The following ZNF230 variants were observed in gnomAD, a reference collection of about 807,000 sequenced individuals.
ZNF230 encodes zinc finger protein 230.
ZNF230 carries 12 observed loss-of-function variants against 10.0 expected under a neutral mutation model. The ratio of observed to expected loss-of-function variants is 1.20; its 90% CI spans 0.77 to 1.95. The LOEUF (loss-of-function observed/expected upper bound fraction) is 1.95, where lower values mean the gene tolerates loss of function less well. ZNF230 is among the 30% of genes most tolerant of loss of function. The pLI is 0.00. For synonymous variants in ZNF230, 174 were observed against 193.6 expected, an observed-to-expected ratio of 0.90 and a Z score of 0.84; for missense variants, 532 against 565.8, an observed-to-expected ratio of 0.94 and a Z score of 0.61.
Position 44,011,061 on chromosome 19 carries a change from G to C in ZNF230, c.1022G>C (p.Cys341Ser). The change falls in exon 5 of 5, where the codon TGT becomes TCT. Residue 341 changes from cysteine (C) to serine (S), a missense_variant. Cys to Ser is a moderately radical substitution (Grantham distance 112). Transcript: ENST00000429154. The stretch of plus-strand genomic sequence containing the variant: ...CAGAAACCGTACAATTGTAAAGAAT[G>C]TGGGAAGAGCTTCAGATGGTCCTCA... ...TGQKPYNCKE[C>S]GKSFRWSSYL... 1 of 1,614,224 alleles carries C rather than the reference G, an allele frequency of 6.2e-7. No homozygotes were observed. The highest frequency in any genetic ancestry group is 8.5e-7 in the Non-Finnish European group (1 of 1,180,030).
Position 44,010,266 on chromosome 19 carries a change from T to C in ZNF230, c.230-3T>C, listed in dbSNP as rs1413301915. The C allele has an allele frequency of 3.8e-6, 6 of 1,597,044 alleles. No homozygotes were observed. Among genetic ancestry groups the C allele is most frequent in the Non-Finnish European group, 5.1e-6 (6 of 1,170,664 alleles). On this transcript the variant is annotated splice_polypyrimidine_tract_variant and splice_region_variant and intron_variant, in intron 4 of 4. Transcript: ENST00000429154. ...CACATCTCTTCATTCTGTGTCCTTA[T>C]AGGCGGCAAGACTATTGCGGAAGCA...
chr19:44,004,325 TTG>T (rs1976099574), intron 1 of ZNF230: 1 of 152,270 alleles, frequency 6.6e-6, no homozygotes, highest in Non-Finnish European at 1.5e-5. Context: ...TTGTCTTTCT[TTG>T]TGTCTACTTC....
In ZNF230 at chr19:44,013,631, CAT is replaced by C. The variant is rs1344402801; in HGVS notation, c.*2169_*2170del. ...CAGACATACAGTAAAAGGAGAAAAA[CAT>C]AATGTGAGCTTTGTGAAATCTGACT... On this transcript the variant is annotated 3_prime_UTR_variant, in exon 5 of 5. Transcript: ENST00000429154. The C allele has an allele frequency of 6.6e-6, 1 of 152,130 alleles. No homozygotes were observed. 9.4% of individuals were successfully genotyped at this position (152,130 alleles called of 1,614,324 possible).
At chr19:44,009,618 T>G (rs1272446702) in intron 4 of ZNF230, among the ~76,000 whole-genome samples, 1 of 152,180 alleles carries the variant, frequency 6.6e-6, no homozygotes, top group African/African-American at 2.4e-5. Context: ...AATAACAGAC[T>G]TCACAGATTA....
Position 44,007,056 on chromosome 19 carries a change from G to A in ZNF230, c.-23G>A. The A allele has an allele frequency of 6.3e-7, 1 of 1,599,802 alleles. No homozygotes were observed. The highest frequency in any genetic ancestry group is 8.6e-7 in the Non-Finnish European group (1 of 1,167,690). On this transcript the variant is annotated 5_prime_UTR_variant, in exon 2 of 5. Transcript: ENST00000429154. ...GTGCTCCATTACTCAAGACACTGAA[G>A]ACTCCAAAAAGTAGTAGGAAAAATG...
Position 44,010,341 on chromosome 19 carries a change from G to A in ZNF230, c.302G>A (p.Ser101Asn), listed in dbSNP as rs201061536. 12 of 1,614,212 alleles carry A rather than the reference G, an allele frequency of 7.4e-6. No homozygotes were observed. Among genetic ancestry groups the A allele is most frequent in the Non-Finnish European group, 9.3e-6 (11 of 1,180,028 alleles). Residue 101 changes from serine (S) to asparagine (N), a missense_variant, in exon 5 of 5, where the codon AGT becomes AAT. Physicochemically the swap from Ser to Asn is conservative, Grantham distance 46 (BLOSUM62 1). Transcript: ENST00000429154. Reference protein sequence around the residue: ...PCQQIWEQTASDLTQSQDSII... With the variant: ...PCQQIWEQTANDLTQSQDSII... ...CAGCAAATCTGGGAACAAACTGCAA[G>A]TGACTTAACCCAGTCTCAAGACTCC...
Position 44,011,354 on chromosome 19 carries a change from C to A in ZNF230, c.1315C>A (p.Gln439Lys), listed in dbSNP as rs1214281146. 2.5e-6 allele frequency: 4 copies of A among 1,613,884 alleles called. No homozygotes were observed. The highest frequency in any genetic ancestry group is 3.4e-6 in the Non-Finnish European group (4 of 1,179,922). ...LVHRSFCKDQ[Q>K]GDHNGENSSK... is the part of the protein sequence containing the mutation. ...ACACCGGTCTTTCTGTAAAGACCAA[C>A]AAGGAGACCACAATGGAGAAAACTC... Residue 439 changes from glutamine to lysine, a missense_variant, in exon 5 of 5, where the codon CAA (glutamine) becomes AAA (lysine). Transcript: ENST00000429154.
Position 44,010,766 on chromosome 19 carries a change from T to C in ZNF230, c.727T>C (p.Cys243Arg), listed in dbSNP as rs1301728087. 2 of 1,614,202 alleles carry C rather than the reference T, an allele frequency of 1.2e-6. No individual in the cohort carries two copies. The highest frequency in any genetic ancestry group is 1.1e-5 in the South Asian group (1 of 91,088). The change falls in exon 5 of 5, where the codon TGC becomes CGC. Residue 243 changes from cysteine to arginine, a missense_variant. Physicochemically the swap from Cys to Arg is radical, Grantham distance 180 (BLOSUM62 -3). Transcript: ENST00000429154. Reference sequence around the variant, plus strand: ...ATGTAGAGCGATACTTCAAGTTCACTGCAAATTACACACAGGAGAGAAACC... The same window carrying C: ...ATGTAGAGCGATACTTCAAGTTCACCGCAAATTACACACAGGAGAGAAACC... ...FRCRAILQVHCKLHTGEKPYI... is the reference protein window; with the variant it reads ...FRCRAILQVHRKLHTGEKPYI...
Position 44,010,894 on chromosome 19 carries a change from T to C in ZNF230, c.855T>C (p.Cys285=). The change falls in exon 5 of 5, where the codon TGT becomes TGC. Residue 285 remains cysteine, a synonymous_variant. Transcript: ENST00000429154. The stretch of plus-strand genomic sequence containing the variant: ...AGAAGCCGTTCAAATGTGAAATATG[T>C]GGTAAGAGCTTCTGCCTTAGGTCAA... ...TGEKPFKCEI[C]GKSFCLRSSL... is the part of the protein sequence containing the mutation. 1.3e-5 allele frequency: 21 copies of C among 1,614,184 alleles called. No individual in the cohort carries two copies. Among genetic ancestry groups the C allele is most frequent in the Non-Finnish European group, 1.8e-5 (21 of 1,180,026 alleles).
In ZNF230 at chr19:44,013,339, T is replaced by TG. The variant is rs774029151; in HGVS notation, c.*1879dup. ...TAATTTCATGAAATGTATCCATGATTGGGGTAGGAGTGACATTTACATGCT... is the reference window on the plus strand; with the variant it reads ...TAATTTCATGAAATGTATCCATGATTGGGGGTAGGAGTGACATTTACATGCT... On this transcript the variant is annotated 3_prime_UTR_variant, in exon 5 of 5. Transcript: ENST00000429154. 11 of 152,180 alleles carry TG rather than the reference T, an allele frequency of 7.2e-5. No individual in the cohort carries two copies. The highest frequency in any genetic ancestry group is 1.2e-4 in the African/African-American group (5 of 41,438). 9.4% of individuals were successfully genotyped at this position (152,180 alleles called of 1,614,324 possible).
chr19:44,010,320 A>T lies in ZNF230; in HGVS notation c.281A>T (p.Gln94Leu). The T allele has an allele frequency of 6.2e-7, 1 of 1,614,080 alleles. No homozygotes were observed. Among genetic ancestry groups the T allele is most frequent in the Non-Finnish European group, 8.5e-7 (1 of 1,179,942 alleles). Residue 94 changes from glutamine (Q) to leucine (L), a missense_variant, in exon 5 of 5, where the codon CAA (glutamine) becomes CTA (leucine). Physicochemically the swap from Gln to Leu is moderately radical, Grantham distance 113. Transcript: ENST00000429154. ...AGPHEDCPCQ[Q>L]IWEQTASDLT... ...CCACATGAAGACTGCCCTTGCCAGCAAATCTGGGAACAAACTGCAAGTGAC... is the reference window on the plus strand; with the variant it reads ...CCACATGAAGACTGCCCTTGCCAGCTAATCTGGGAACAAACTGCAAGTGAC...
intron 1 of ZNF230, among the ~76,000 whole-genome samples, chr19:44,006,206 G>C (rs916192324): frequency 3.9e-5 from 6 of 152,128 alleles, no homozygotes; most frequent in Non-Finnish European, 8.8e-5. Flanking sequence ...CACATGATGT[G>C]GTTTGTCCCT....
Position 44,011,598 on chromosome 19 carries a change from G to A in ZNF230, c.*134G>A, listed in dbSNP as rs894577717. 2.1e-6 allele frequency: 2 copies of A among 965,370 alleles called. No homozygotes were observed. Among genetic ancestry groups the A allele is most frequent in the Non-Finnish European group, 3.0e-6 (2 of 672,584 alleles). 59.8% of individuals were successfully genotyped at this position (965,370 alleles called of 1,614,324 possible). A position where few individuals can be genotyped will look rare whatever the true frequency, so the allele number is the denominator to read the frequency against. On this transcript the variant is annotated 3_prime_UTR_variant, in exon 5 of 5. Transcript: ENST00000429154. ...GTTTTGGGAAAATTCAAAATCCATTGTTCTAGCGATTTGAAAAGAAACAAT... is the reference window on the plus strand; with the variant it reads ...GTTTTGGGAAAATTCAAAATCCATTATTCTAGCGATTTGAAAAGAAACAAT...
At position 44,012,075 on chromosome 19, in the gene ZNF230, T is replaced by TAAAAA; in HGVS notation, c.*611_*612insAAAAA. The TAAAAA allele has an allele frequency of 5.0e-6, 1 of 198,584 alleles. No homozygotes were observed. The highest frequency in any genetic ancestry group is 1.0e-5 in the Non-Finnish European group (1 of 97,238). 12.3% of individuals were successfully genotyped at this position (198,584 alleles called of 1,614,324 possible). A position where few individuals can be genotyped will look rare whatever the true frequency, so the allele number is the denominator to read the frequency against. On this transcript the variant is annotated 3_prime_UTR_variant, in exon 5 of 5. Transcript: ENST00000429154. ...TATCTGATCCACATACTGATTTCCT[T>TAAAAA]TGCTTTGGATATACTCAATAGTGGG... is the stretch of plus-strand genomic sequence containing the variant.
chr19:44,011,100 A>C lies in ZNF230; in HGVS notation c.1061A>C (p.His354Pro), dbSNP rs779745699. 1.9e-6 allele frequency: 3 copies of C among 1,614,246 alleles called. No homozygotes were observed. The South Asian group carries it at 3.3e-5, about 18-fold the overall frequency. ...AGATGGTCCTCATATCTTTTGATCC[A>C]TCAGCGAATCCACAGTGGAGAAAAA... ...SFRWSSYLLI[H>P]QRIHSGEKPY... The change falls in exon 5 of 5, where the codon CAT (histidine) becomes CCT (proline). Residue 354 changes from histidine to proline, a missense_variant. Physicochemically the swap from His to Pro is moderately conservative, Grantham distance 77. Coordinates refer to ENST00000429154, the MANE Select transcript of ZNF230 (RefSeq NM_006300.4).
rs954055109 is a variant in ZNF230 at position 44,012,254 on chromosome 19, G to A, written c.*790G>A. On this transcript the variant is annotated 3_prime_UTR_variant, in exon 5 of 5. Coordinates refer to ENST00000429154, the MANE Select transcript of ZNF230 (RefSeq NM_006300.4). ...CGTTGGACAGAATCCTTAGTAATGA[G>A]GTGTGTGATAAAGTCTCTGCTCAGT... The A allele has an allele frequency of 7.6e-6, 3 of 396,832 alleles. No individual in the cohort carries two copies. The highest frequency in any genetic ancestry group is 9.9e-6 in the Non-Finnish European group (2 of 202,216). 24.6% of individuals were successfully genotyped at this position (396,832 alleles called of 1,614,324 possible). A position where few individuals can be genotyped will look rare whatever the true frequency, so the allele number is the denominator to read the frequency against.
chr19:44,008,763 T>C (rs368483716), intron 2 of ZNF230, 27 bp from the exon 3 acceptor site: 286 of 1,610,814 alleles, frequency 1.8e-4, no homozygotes, highest in Non-Finnish European at 1.7e-4. Context: ...GTCATAGGAT[T>C]GAGGTTATGT....
chr19:44,006,976 C>T, intron 1 of ZNF230, 35 bp from the exon 2 acceptor site: 1 of 961,922 alleles, frequency 1.0e-6, no homozygotes. Flanking sequence ...GCCACCATTT[C>T]ATGTCTCTCT....
chr19:44,008,772 G>A lies in ZNF230; in HGVS notation c.16-18G>A. ...TCCATGGTCATAGGATTGAGGTTAT[G>A]TATCCTTGATGTTATAGGAGGCAGT... On this transcript the variant is annotated intron_variant, in intron 2 of 4. Coordinates refer to ENST00000429154, the MANE Select transcript of ZNF230 (RefSeq NM_006300.4). 2 of 1,612,698 alleles carry A rather than the reference G, an allele frequency of 1.2e-6. No homozygotes were observed. Among genetic ancestry groups the A allele is most frequent in the Non-Finnish European group, 1.7e-6 (2 of 1,179,122 alleles).
Sources: allele counts gnomAD v4.1 joint callset (sites outside exome capture counted in the v4.1 genomes callset), GRCh38; gene constraint gnomAD v4.1.1; transcripts MANE v1.5; gene names NCBI Gene and HGNC (gene_info 2026-07-23, HGNC 2026-07-21).